PSORS1C1: variants seen among roughly 807,000 people sequenced by gnomAD.
PSORS1C1 encodes psoriasis susceptibility 1 candidate gene 1 protein.
A neutral mutation model predicts 9.4 loss-of-function variants in PSORS1C1; 7 were observed. That is an observed-to-expected ratio of 0.75 (90% CI 0.42 to 1.40). The LOEUF is 1.40. Ranked by LOEUF, PSORS1C1 falls within the 40% of genes most tolerant of loss-of-function variation. The probability of loss-of-function intolerance (pLI) is 0.01; values close to 1 mark genes in which losing one functional copy is unlikely to be tolerated. For missense variants in PSORS1C1, 146 were observed against 178.1 expected, an observed-to-expected ratio of 0.82 and a Z score of 1.02; for synonymous variants, 63 against 69.4, an observed-to-expected ratio of 0.91 and a Z score of 0.46.
At position 31,126,669 on chromosome 6, in the gene PSORS1C1, G is replaced by A. The variant is rs146216228; in HGVS notation, c.-65+830G>A. 4.0e-3 allele frequency among the ~76,000 whole-genome samples: 613 copies of A among 152,296 alleles called. 13 individuals carry two copies. In the South Asian group the frequency reaches 0.06, roughly 15 times the overall value. Reference sequence around the variant, plus strand: ...CCGACGGGCCCAGGGCACTGCAGCCGGCACTTGGGAGTGAAGACTGGGGCC... The same window carrying A: ...CCGACGGGCCCAGGGCACTGCAGCCAGCACTTGGGAGTGAAGACTGGGGCC... On this transcript the variant is annotated intron_variant, in intron 2 of 5. Coordinates refer to ENST00000259881, the MANE Select transcript of PSORS1C1 (RefSeq NM_014068.3).
chr6:31,129,505 C>T, intron 2 of PSORS1C1, 64 bp from the exon 3 acceptor site: 2 of 734,510 alleles, frequency 2.7e-6, no homozygotes, highest in Non-Finnish European at 5.0e-6. Flanking sequence ...TTAATAGGTA[C>T]TAAAATCTCC....
intron 3 of PSORS1C1, chr6:31,138,167 C>A: frequency 6.3e-7 from 1 of 1,592,814 alleles, no homozygotes; most frequent in Non-Finnish European, 8.5e-7. Context: ...GGCGGGTAGG[C>A]GGAGGATCTT....
chr6:31,129,705 T>A, intron 3 of PSORS1C1, 60 bp downstream of exon 3: 1 of 778,782 alleles, frequency 1.3e-6, no homozygotes, highest in Non-Finnish European at 2.4e-6. Context: ...TCATTTGCTT[T>A]ATTGAGTGCC....
chr6:31,138,603 C>A (rs1447274939), intron 4 of PSORS1C1, 53 bp from the exon 5 acceptor site: 1 of 1,612,254 alleles, frequency 6.2e-7, no homozygotes, highest in East Asian at 2.2e-5. Context: ...ACCCCACTAG[C>A]TTTGTCCTCA....
chr6:31,132,296 C>A (rs1423203621), intron 3 of PSORS1C1, among the ~76,000 whole-genome samples: 1 of 151,456 alleles, frequency 6.6e-6, no homozygotes, highest in Non-Finnish European at 1.5e-5. Flanking sequence ...CCAAGGCGGG[C>A]AGATCACCTG....
In PSORS1C1 at chr6:31,138,765, A is replaced by G; in HGVS notation, c.153A>G (p.Pro51=). 2 of 1,614,146 alleles carry G rather than the reference A, an allele frequency of 1.2e-6. No homozygotes were observed. The highest frequency in any genetic ancestry group is 8.5e-7 in the Non-Finnish European group (1 of 1,180,020). Residue 51 remains proline (P), a synonymous_variant, in exon 5 of 6, where the codon CCA becomes CCG. Transcript: ENST00000259881. ...CTGACCGACTTTGCCACATGGAGCC[A>G]GCAAACCATTTCTGGTGAGAGCCAA... ...VNPDRLCHME[P]ANHFWHAGDL...
At position 31,116,921 on chromosome 6, in the gene PSORS1C1, T is replaced by C. The variant is rs775109296; in HGVS notation, c.-229+2030T>C. On this transcript the variant is annotated intron_variant, in intron 1 of 5. Coordinates refer to ENST00000259881, the MANE Select transcript of PSORS1C1 (RefSeq NM_014068.3). ...ATGTAGGGGCCGGAGTGCGAGACGA[T>C]GGGCCCTCCACTGCAGGGAGAGTCG... 1 of 1,614,104 alleles carries C rather than the reference T, an allele frequency of 6.2e-7. No individual in the cohort carries two copies.
chr6:31,132,978 C>T (rs1481691626), intron 3 of PSORS1C1, among the ~76,000 whole-genome samples: 1 of 151,800 alleles, frequency 6.6e-6, no homozygotes, highest in Non-Finnish European at 1.5e-5. Context: ...TATTTGTCCA[C>T]CGTTGGTTAA....
chr6:31,123,855 C>T (rs181854508), intron 1 of PSORS1C1, among the ~76,000 whole-genome samples: 248 of 152,314 alleles, frequency 1.6e-3, no homozygotes, highest in Middle Eastern at 6.8e-3. Flanking sequence ...TGGGGACACA[C>T]AGCGTAAGAC....
rs147986535 is a variant in PSORS1C1, at chr6:31,134,080, T to G, written c.14-4350T>G. ...CGCAACCTCTGCCTCCCAGGTTCAA[T>G]GGATTCTCCTGCCTCAGCCTCCTGA... On this transcript the variant is annotated intron_variant, in intron 3 of 5. Transcript: ENST00000259881. Among the ~76,000 whole-genome samples the G allele has an allele frequency of 0.013, 1,895 of 149,964 alleles. 76 individuals are homozygous for G. In the East Asian group the frequency reaches 0.14, roughly 11 times the overall value.
intron 1 of PSORS1C1, chr6:31,116,383 G>A (rs1772122140): frequency 6.2e-7 from 1 of 1,606,506 alleles, no homozygotes; most frequent in South Asian, 1.1e-5. Context: ...GGGATGGTAG[G>A]GTAAACCGGA....
Position 31,139,854 on chromosome 6 carries a change from C to T in PSORS1C1, c.381C>T (p.Ala127=), listed in dbSNP as rs1561778720. Residue 127 remains alanine (A), a synonymous_variant, in exon 6 of 6, where the codon GCC becomes GCT. Coordinates refer to ENST00000259881, the MANE Select transcript of PSORS1C1 (RefSeq NM_014068.3). This position sits in a 1 kb window ranked among gnomAD's most constrained non-coding sequence, Gnocchi z 5.2. ...CTCCCTCAGGAATCCACCTATCCGC[C>T]TCTAGGACCTTGGCTCCAACTCTAT... The part of the protein sequence containing the change: ...LPPPSGIHLS[A]SRTLAPTLLY... 8.1e-6 allele frequency: 13 copies of T among 1,613,122 alleles called. No individual in the cohort carries two copies. Among genetic ancestry groups the T allele is most frequent in the Admixed American group, 1.7e-5 (1 of 60,010 alleles).
chr6:31,118,647 A>T (rs78479381), intron 1 of PSORS1C1: 8,579 of 151,812 alleles, frequency 0.057, 294 homozygotes, highest in Non-Finnish European at 0.08. Context: ...TGACTCTTTC[A>T]CCTGCGTTCC....
Position 31,139,199 on chromosome 6 carries a change from A to C in PSORS1C1, c.167+420A>C. The C allele has an allele frequency of 1.6e-6, 1 of 606,336 alleles. No homozygotes were observed. Among genetic ancestry groups the C allele is most frequent in the East Asian group, 2.8e-5 (1 of 36,096 alleles). 37.6% of individuals were successfully genotyped at this position (606,336 alleles called of 1,614,324 possible). On this transcript the variant is annotated intron_variant, in intron 5 of 5. Coordinates refer to ENST00000259881, the MANE Select transcript of PSORS1C1 (RefSeq NM_014068.3). The surrounding 1 kb of genome is among the most constrained non-coding windows in gnomAD (Gnocchi z 5.2). ...GCCTGGGCTGATGTGTCACCCCTGA[A>C]GGTGGCGTCCCTTATTTTAGTCCTC... is the stretch of plus-strand genomic sequence containing the variant.
intron 3 of PSORS1C1, chr6:31,138,119 G>T: frequency 6.2e-7 from 1 of 1,604,720 alleles, no homozygotes; most frequent in Non-Finnish European, 8.5e-7. Flanking sequence ...CAGGGAGCCA[G>T]ACTCCAGTTT....
chr6:31,117,850 G>A (rs1772252294), intron 1 of PSORS1C1: 2 of 369,616 alleles, frequency 5.4e-6, no homozygotes, highest in African/African-American at 4.1e-5. Flanking sequence ...GGTAATCCCA[G>A]CACTTTGGGA....
rs144778683 is a variant in PSORS1C1, at chr6:31,115,872, C to G, written c.-229+981C>G. ...GGAAGGGGTGATAAGAGAGAGTCTG[C>G]AACCTTGGGGTAGTGGAGAAAGCAG... On this transcript the variant is annotated intron_variant, in intron 1 of 5. Coordinates refer to ENST00000259881, the MANE Select transcript of PSORS1C1 (RefSeq NM_014068.3). The surrounding 1 kb of genome is among the most constrained non-coding windows in gnomAD (Gnocchi z 4.2). The G allele has an allele frequency of 4.6e-4, 303 of 656,148 alleles. 3 individuals carry two copies. The highest frequency in any genetic ancestry group is 4.3e-3 in the African/African-American group (236 of 55,348). The allele number at this position is 656,148 out of a possible 1,614,324, so 40.6% of individuals were successfully genotyped here. A position where few individuals can be genotyped will look rare whatever the true frequency, so the allele number is the denominator to read the frequency against.
chr6:31,132,292 C>T (rs1407957441), intron 3 of PSORS1C1, among the ~76,000 whole-genome samples: 2 of 152,200 alleles, frequency 1.3e-5, no homozygotes, highest in South Asian at 2.1e-4. Context: ...GAGGCCAAGG[C>T]GGGCAGATCA....
In PSORS1C1 at chr6:31,116,236, A is replaced by G. The variant is rs750619040; in HGVS notation, c.-229+1345A>G. 6 of 1,614,042 alleles carry G rather than the reference A, an allele frequency of 3.7e-6. No individual in the cohort carries two copies. In the South Asian group the frequency reaches 4.4e-5, roughly 12 times the overall value. On this transcript the variant is annotated intron_variant, in intron 1 of 5. Coordinates refer to ENST00000259881, the MANE Select transcript of PSORS1C1 (RefSeq NM_014068.3). ...AGTCAGTGTCAAGGAGGAGACAGACATGCAAGGGTGACCAGAAGAGCTGGA... is the reference window on the plus strand; with the variant it reads ...AGTCAGTGTCAAGGAGGAGACAGACGTGCAAGGGTGACCAGAAGAGCTGGA...
Sources: allele counts gnomAD v4.1 joint callset (sites outside exome capture counted in the v4.1 genomes callset), GRCh38; gene constraint gnomAD v4.1.1; non-coding constraint Gnocchi (gnomAD v3.1); transcripts MANE v1.5; gene names NCBI Gene and HGNC (gene_info 2026-07-23, HGNC 2026-07-21).